PRKCZ: variants seen among roughly 807,000 people sequenced by gnomAD.
PRKCZ encodes protein kinase C zeta type.
Under a neutral mutation model 79.5 loss-of-function variants are expected in PRKCZ, and 33 were observed. The observed-to-expected ratio is 0.41, with a 90% CI of 0.31 to 0.55. PRKCZ has a LOEUF of 0.55. Ranked by LOEUF, PRKCZ falls within the 20% of genes least tolerant of loss-of-function variation. The pLI, the probability that PRKCZ is intolerant of heterozygous loss-of-function variation, is 0.19. For missense variants in PRKCZ, 578 were observed against 813.5 expected (o/e 0.71, Z 3.52); for synonymous variants, 342 against 320.9 (o/e 1.07, Z -0.70).
Position 2,169,557 on chromosome 1 carries a change from G to T in PRKCZ, c.1014G>T (p.Leu338=). 2 of 1,539,520 alleles carry T rather than the reference G, an allele frequency of 1.3e-6. No individual in the cohort carries two copies. Among genetic ancestry groups the T allele is most frequent in the Non-Finnish European group, 1.8e-6 (2 of 1,138,734 alleles). The change falls in exon 11 of 18, where the codon CTG becomes CTT. Residue 338 remains leucine (L), a synonymous_variant. Transcript: ENST00000378567. ...TTGAGTACGTCAACGGCGGGGACCT[G>T]ATGTTCCACATGCAGAGGCAGAGGA... ...LVIEYVNGGD[L]MFHMQRQRKL...
chr1:2,056,175 C>T (rs1277498461), intron 2 of PRKCZ, among the ~76,000 whole-genome samples: 1 of 152,234 alleles, frequency 6.6e-6, no homozygotes, highest in Non-Finnish European at 1.5e-5. Flanking sequence ...GGAGCTCTCC[C>T]TCCGCCCAGG....
intron 4 of PRKCZ, among the ~76,000 whole-genome samples, chr1:2,131,596 C>G (rs1275854757): frequency 6.6e-6 from 1 of 152,194 alleles, no homozygotes; most frequent in Non-Finnish European, 1.5e-5. Flanking sequence ...CCATTTGACA[C>G]ATGCTAGGAG....
chr1:2,181,151 C>G (rs181312586), intron 16 of PRKCZ, among the ~76,000 whole-genome samples: 1 of 144,562 alleles, frequency 6.9e-6, no homozygotes, highest in African/African-American at 2.5e-5. Flanking sequence ...ACAGCAGGGT[C>G]GTCCTGTGTC....
intron 1 of PRKCZ, among the ~76,000 whole-genome samples, chr1:2,054,590 G>A (rs889650853): frequency 6.6e-5 from 10 of 152,042 alleles, no homozygotes; most frequent in African/African-American, 1.4e-4. Context: ...AAAATCTGCC[G>A]GGGCTTCTGC....
chr1:2,080,900 G>C (rs1663371193), intron 4 of PRKCZ, among the ~76,000 whole-genome samples: 1 of 152,194 alleles, frequency 6.6e-6, no homozygotes, highest in Non-Finnish European at 1.5e-5. Flanking sequence ...CTTCGCTGGG[G>C]TTTGCCTCAT....
rs61385548 is a variant in PRKCZ, at chr1:2,168,210, C to T, written c.975-1308C>T. On this transcript the variant is annotated intron_variant, in intron 10 of 17. Coordinates refer to ENST00000378567, the MANE Select transcript of PRKCZ (RefSeq NM_002744.6). The surrounding 1 kb of genome is among the most constrained non-coding windows in gnomAD (Gnocchi z 4.7). ...TCTCTGTTAGCAACTCCCTCTGCCA[C>T]GGTGGCTGGAAAGCAGACATAGAAA... 0.014 allele frequency among the ~76,000 whole-genome samples: 2,202 copies of T among 152,272 alleles called. 41 individuals are homozygous for T. The highest frequency in any genetic ancestry group is 0.05 in the African/African-American group (2,090 of 41,534).
intron 4 of PRKCZ, chr1:2,133,827 A>G (rs1675569581): frequency 6.6e-6 from 1 of 151,668 alleles, no homozygotes; most frequent in African/African-American, 2.4e-5. Context: ...AGGCCTACGG[A>G]CTCCTGGAGC....
At chr1:2,117,075 A>G (rs983332718) in intron 4 of PRKCZ, among the ~76,000 whole-genome samples, 2 of 151,900 alleles carry the variant, frequency 1.3e-5, no homozygotes, top group African/African-American at 2.4e-5. Context: ...TCAGCCTCCC[A>G]AGTAGCTGGG....
chr1:2,088,711 C>G (rs971250267), intron 4 of PRKCZ, among the ~76,000 whole-genome samples: 2 of 152,208 alleles, frequency 1.3e-5, no homozygotes, highest in African/African-American at 4.8e-5. Flanking sequence ...GTGTGCACAG[C>G]TCAGCTGCCT....
At chr1:2,064,098 C>T (rs746737519) in intron 4 of PRKCZ, among the ~76,000 whole-genome samples, 5 of 152,204 alleles carry the variant, frequency 3.3e-5, no homozygotes, top group Non-Finnish European at 5.9e-5. Flanking sequence ...CCACCCACCT[C>T]GGCCTCCCAA....
At chr1:2,061,986 C>G (rs527521132) in intron 4 of PRKCZ, among the ~76,000 whole-genome samples, 196 of 152,160 alleles carry the variant, frequency 1.3e-3, no homozygotes, top group Non-Finnish European at 5.4e-4. Flanking sequence ...TGAGAAGGGT[C>G]GGACTGGGAG....
intron 4 of PRKCZ, among the ~76,000 whole-genome samples, chr1:2,063,730 T>G (rs1177973952): frequency 6.6e-6 from 1 of 152,266 alleles, no homozygotes; most frequent in Non-Finnish European, 1.5e-5. Context: ...CTTGTCGTTT[T>G]CTGTTTTTTG....
intron 4 of PRKCZ, among the ~76,000 whole-genome samples, chr1:2,102,766 C>G (rs181863017): frequency 1.9e-4 from 29 of 152,328 alleles, no homozygotes; most frequent in Admixed American, 1.8e-3. Flanking sequence ...ACCCCCAACT[C>G]TCCTGCGTCA....
chr1:2,126,137 G>A (rs758867695), intron 4 of PRKCZ, among the ~76,000 whole-genome samples: 1 of 152,092 alleles, frequency 6.6e-6, no homozygotes, highest in African/African-American at 2.4e-5. Flanking sequence ...TTCCCGTCAC[G>A]TCTCCTCCCC....
chr1:2,175,606 C>T (rs530598636), intron 16 of PRKCZ, among the ~76,000 whole-genome samples: 2 of 150,592 alleles, frequency 1.3e-5, no homozygotes, highest in African/African-American at 4.9e-5. Flanking sequence ...TGGACAGAGC[C>T]GGGGCTGTGT....
intron 1 of PRKCZ, among the ~76,000 whole-genome samples, chr1:2,052,174 C>T (rs4648796): frequency 0.012 from 1,763 of 152,258 alleles, 50 homozygotes; most frequent in Admixed American, 0.069. Context: ...GGTCCACACC[C>T]GAGGGGCTGC....
Position 2,061,231 on chromosome 1 carries a change from A to T in PRKCZ, c.334+1640A>T, listed in dbSNP as rs117150818. On this transcript the variant is annotated intron_variant, in intron 4 of 17. Transcript: ENST00000378567. ...CAGTGTAGCCCCTGGGCGCGGGGGA[A>T]GCCCACCGTATTTCTCCGACATGTC... Among the ~76,000 whole-genome samples the T allele has an allele frequency of 8.6e-3, 1,313 of 152,294 alleles. 46 individuals carry two copies. In the East Asian group the frequency reaches 0.1, roughly 12 times the overall value.
chr1:2,120,570 A>G (rs1671693180), intron 4 of PRKCZ, among the ~76,000 whole-genome samples: 1 of 151,830 alleles, frequency 6.6e-6, no homozygotes, highest in African/African-American at 2.4e-5. Context: ...TGCTGGGATT[A>G]CAGGTGTGAG....
At chr1:2,159,546 G>C (rs1346308424) in intron 10 of PRKCZ, among the ~76,000 whole-genome samples, 1 of 152,240 alleles carries the variant, frequency 6.6e-6, no homozygotes, top group African/African-American at 2.4e-5. Flanking sequence ...ACACAAGTTT[G>C]GTTCCCATAA....
Sources: allele counts gnomAD v4.1 joint callset (sites outside exome capture counted in the v4.1 genomes callset), GRCh38; gene constraint gnomAD v4.1.1; non-coding constraint Gnocchi (gnomAD v3.1); transcripts MANE v1.5; gene names NCBI Gene and HGNC (gene_info 2026-07-23, HGNC 2026-07-21).